The following COL4A2 variants were observed in gnomAD, a reference collection of about 807,000 sequenced individuals.
The protein encoded by COL4A2 is collagen type IV alpha 2 chain, also known as collagen alpha-2(IV) chain.
Under a neutral mutation model 200.2 loss-of-function variants are expected in COL4A2, and 99 were observed. The ratio of observed to expected loss-of-function variants is 0.49; its 90% confidence interval spans 0.42 to 0.58. The LOEUF (loss-of-function observed/expected upper bound fraction) is 0.58. COL4A2 is among the 20% of genes least tolerant of loss of function. The pLI is 0.00. For synonymous variants in COL4A2, 897 were observed against 900.6 expected (o/e 1.00, Z 0.07); for missense variants, 1,950 against 2,314.1 (o/e 0.84, Z 3.23).
At chr13:110,488,498 A>G (rs1594104358) in intron 34 of COL4A2, among the ~76,000 whole-genome samples, 1 of 152,198 alleles carries the variant, frequency 6.6e-6, no homozygotes, top group South Asian at 2.1e-4. Context: ...CAACTCAGGC[A>G]TCTTCTCAAT....
chr13:110,410,244 C>G (rs1879778466), intron 4 of COL4A2, among the ~76,000 whole-genome samples: 1 of 152,186 alleles, frequency 6.6e-6, no homozygotes, highest in Non-Finnish European at 1.5e-5. Flanking sequence ...GTCCCCTGTC[C>G]CCTCGCAGGG....
rs550036955 is a variant in COL4A2, at chr13:110,479,123, G to A, written c.2587+959G>A. ...TAGCAAACCTGGACCGGAGGTTCAG[G>A]CTCCTATCTCAGTATCGACAGGGCC... On this transcript the variant is annotated intron_variant, in intron 30 of 47. Coordinates refer to ENST00000360467, the MANE Select transcript of COL4A2 (RefSeq NM_001846.4). 3.3e-5 allele frequency among the ~76,000 whole-genome samples: 5 copies of A among 152,322 alleles called. No individual in the cohort carries two copies. In the South Asian group the frequency reaches 1.0e-3, roughly 32 times the overall value.
At chr13:110,326,163 C>T (rs1167715796) in intron 3 of COL4A2, among the ~76,000 whole-genome samples, 2 of 152,142 alleles carry the variant, frequency 1.3e-5, no homozygotes, top group Non-Finnish European at 1.5e-5. Flanking sequence ...GCTTCCACCT[C>T]GGAGTTCAAA....
At chr13:110,391,809 G>C (rs777111656) in intron 4 of COL4A2, among the ~76,000 whole-genome samples, 1 of 152,234 alleles carries the variant, frequency 6.6e-6, no homozygotes, top group Admixed American at 6.5e-5. Flanking sequence ...CGTCCTGAGA[G>C]TGAACCACTG....
At position 110,399,383 on chromosome 13, in the gene COL4A2, G is replaced by A. The variant is rs188190401; in HGVS notation, c.181-25351G>A. ...ATATATTAGTGACATATTCATGCTG[G>A]CATGTGGGGCATAAGTGAGCTCCCG... On this transcript the variant is annotated intron_variant, in intron 4 of 47. Coordinates refer to ENST00000360467, the MANE Select transcript of COL4A2 (RefSeq NM_001846.4). Among the ~76,000 whole-genome samples, 6 of 152,302 alleles carry A rather than the reference G, an allele frequency of 3.9e-5. No individual in the cohort carries two copies. The East Asian group carries it at 1.2e-3, about 29-fold the overall frequency.
At chr13:110,450,584 G>A in intron 20 of COL4A2, 130 bp downstream of exon 20, 2 of 1,084,048 alleles carry the variant, frequency 1.8e-6, no homozygotes, top group Non-Finnish European at 1.3e-6. Flanking sequence ...TGATTAGGGT[G>A]CAGTGGATCC....
At chr13:110,418,479 C>G (rs1261405393) in intron 4 of COL4A2, among the ~76,000 whole-genome samples, 1 of 152,224 alleles carries the variant, frequency 6.6e-6, no homozygotes, top group Non-Finnish European at 1.5e-5. Context: ...AGAAGCGATA[C>G]AGCTTTAGCT....
At chr13:110,348,749 G>A (rs1277829148) in intron 3 of COL4A2, among the ~76,000 whole-genome samples, 1 of 151,572 alleles carries the variant, frequency 6.6e-6, no homozygotes, top group Non-Finnish European at 1.5e-5. Context: ...TTTGTCACTT[G>A]GCGTAGGTTT....
intron 28 of COL4A2, among the ~76,000 whole-genome samples, chr13:110,471,224 G>A (rs745958977): frequency 9.8e-5 from 15 of 152,308 alleles, no homozygotes; most frequent in Middle Eastern, 6.8e-3. Context: ...GTGCGTGAAC[G>A]CCACACGGGG....
chr13:110,420,220 C>G (rs111667732), intron 4 of COL4A2, among the ~76,000 whole-genome samples: 3 of 152,208 alleles, frequency 2.0e-5, no homozygotes, highest in Non-Finnish European at 2.9e-5. Context: ...ACACTGGTCC[C>G]ATCTGAGCCC....
chr13:110,503,333 G>A (rs776973803), intron 42 of COL4A2, 50 bp from the exon 43 acceptor site: 2 of 1,588,342 alleles, frequency 1.3e-6, no homozygotes, highest in East Asian at 2.2e-5. Flanking sequence ...AGTGAGAGGA[G>A]CCCCCTCCCC....
intron 38 of COL4A2, 133 bp downstream of exon 38, chr13:110,492,310 C>T (rs1883311267): frequency 1.3e-6 from 1 of 749,520 alleles, no homozygotes; most frequent in Non-Finnish European, 2.2e-6. Context: ...TCTGCTGTGG[C>T]TTACGGTGGT....
intron 3 of COL4A2, among the ~76,000 whole-genome samples, chr13:110,343,308 C>T (rs886391313): frequency 1.3e-5 from 2 of 152,194 alleles, no homozygotes; most frequent in Non-Finnish European, 2.9e-5. Flanking sequence ...GTGCTCTCCT[C>T]TGCTGGCCCC....
At chr13:110,379,562 G>A (rs566188992) in intron 4 of COL4A2, among the ~76,000 whole-genome samples, 1 of 152,312 alleles carries the variant, frequency 6.6e-6, no homozygotes, top group Admixed American at 6.5e-5. Flanking sequence ...AAGCTGCAAG[G>A]CTCCTCCCTT....
chr13:110,441,219 G>A (rs1045531790), intron 16 of COL4A2, among the ~76,000 whole-genome samples: 4 of 152,122 alleles, frequency 2.6e-5, no homozygotes, highest in East Asian at 1.9e-4. Context: ...GTAGTGTGGC[G>A]TCTGGAGGCC....
In COL4A2 at chr13:110,508,076, C is replaced by T; in HGVS notation, c.4736C>T (p.Ala1579Val). ...TTAPLPMMPV[A>V]EDEIKPYISR... ...GCGCCGCTGCCCATGATGCCCGTGG[C>T]CGAGGACGAGATCAAGCCCTACATC... The change falls in exon 47 of 48, where the codon GCC (alanine) becomes GTC (valine). Residue 1579 changes from alanine to valine, a missense_variant. Around this residue, in one of 2 missense-constraint regions of COL4A2, gnomAD observed 1,385 missense variants for 1,720.5 expected, o/e 0.80. Coordinates refer to ENST00000360467, the MANE Select transcript of COL4A2 (RefSeq NM_001846.4). The surrounding 1 kb of genome is among the most constrained non-coding windows in gnomAD (Gnocchi z 6.1). The T allele has an allele frequency of 3.1e-6, 5 of 1,614,242 alleles. No homozygotes were observed. Among genetic ancestry groups the T allele is most frequent in the Admixed American group, 1.7e-5 (1 of 60,034 alleles).
intron 4 of COL4A2, among the ~76,000 whole-genome samples, chr13:110,363,806 C>T (rs9521717): frequency 0.4 from 60,762 of 152,124 alleles, 12,279 homozygotes; most frequent in Middle Eastern, 0.57. Context: ...GAGAGAATTG[C>T]GATGCCCTGG....
chr13:110,464,730 G>A (rs9559810), intron 24 of COL4A2, among the ~76,000 whole-genome samples: 90,536 of 151,864 alleles, frequency 0.6, 27,897 homozygotes, highest in Middle Eastern at 0.73. Context: ...GCAGATGAGC[G>A]GGAGCTTATG....
chr13:110,473,972 T>A lies in COL4A2; in HGVS notation c.2425+822T>A, dbSNP rs902679795. On this transcript the variant is annotated intron_variant, in intron 29 of 47. Coordinates refer to ENST00000360467, the MANE Select transcript of COL4A2 (RefSeq NM_001846.4). ...AGACCCCATTTCTACAAAAAAAAAATAATAATTAACTGGGCATGGTGCTGT... is the reference window on the plus strand; with the variant it reads ...AGACCCCATTTCTACAAAAAAAAAAAAATAATTAACTGGGCATGGTGCTGT... 2.9e-3 allele frequency among the ~76,000 whole-genome samples: 378 copies of A among 130,536 alleles called. 1 individual carries two copies. Among genetic ancestry groups the A allele is most frequent in the South Asian group, 6.3e-3 (24 of 3,792 alleles). 85.6% of individuals were successfully genotyped at this position (130,536 alleles called of 152,430 possible).
Sources: allele counts gnomAD v4.1 joint callset (sites outside exome capture counted in the v4.1 genomes callset), GRCh38; gene constraint gnomAD v4.1.1; regional missense constraint gnomAD v4.1.1; non-coding constraint Gnocchi (gnomAD v3.1); transcripts MANE v1.5; gene names NCBI Gene and HGNC (gene_info 2026-07-23, HGNC 2026-07-21).